TECTA: variants seen among roughly 807,000 people sequenced by gnomAD.
TECTA encodes alpha-tectorin.
Under a neutral mutation model 216.8 loss-of-function variants are expected in TECTA, and 128 were observed. The observed-to-expected ratio is 0.59, with a 90% CI of 0.51 to 0.68. TECTA has a LOEUF of 0.68. Ranked by LOEUF, TECTA falls within the 30% of genes least tolerant of loss-of-function variation. TECTA has a pLI of 0.00. For missense variants in TECTA, 2,551 were observed against 2,786.2 expected (o/e 0.92, Z 1.90); for synonymous variants, 1,089 against 1,117.1 (o/e 0.97, Z 0.50).
intron 10 of TECTA, among the ~76,000 whole-genome samples, chr11:121,130,806 C>G (rs1457071891): frequency 6.6e-6 from 1 of 152,096 alleles, no homozygotes; most frequent in Non-Finnish European, 1.5e-5. Flanking sequence ...GGAGAAGTAA[C>G]ATGGCAGAAA....
At chr11:121,116,941 C>G (rs1946507504) in intron 6 of TECTA, among the ~76,000 whole-genome samples, 1 of 152,154 alleles carries the variant, frequency 6.6e-6, no homozygotes, top group Non-Finnish European at 1.5e-5. Flanking sequence ...TAAATCTATT[C>G]TCTCATTTTT....
chr11:121,113,548 T>G lies in TECTA; in HGVS notation c.625-5T>G, dbSNP rs1469095917. The G allele has an allele frequency of 6.2e-7, 1 of 1,613,988 alleles. No individual in the cohort carries two copies. Among genetic ancestry groups the G allele is most frequent in the Non-Finnish European group, 8.5e-7 (1 of 1,180,050 alleles). On this transcript the variant is annotated splice_region_variant and splice_polypyrimidine_tract_variant and intron_variant, in intron 5 of 23. Coordinates refer to ENST00000392793, the MANE Select transcript of TECTA (RefSeq NM_005422.4). This position sits in a 1 kb window ranked among gnomAD's most constrained non-coding sequence, Gnocchi z 4.2. Reference sequence around the variant, plus strand: ...CAAAAATCTTGTCTTCCTTTTGTGCTGCAGGCAGGATTTAATGGTGGAAAC... The same window carrying G: ...CAAAAATCTTGTCTTCCTTTTGTGCGGCAGGCAGGATTTAATGGTGGAAAC...
At chr11:121,140,600 C>T (rs765783157) in intron 11 of TECTA, among the ~76,000 whole-genome samples, 7 of 152,174 alleles carry the variant, frequency 4.6e-5, no homozygotes, top group Non-Finnish European at 8.8e-5. Context: ...GGGTGTAAGT[C>T]CAAAGTCAAG....
intron 12 of TECTA, among the ~76,000 whole-genome samples, chr11:121,147,056 C>A (rs1194190343): frequency 6.6e-6 from 1 of 151,936 alleles, no homozygotes; most frequent in African/African-American, 2.4e-5. Flanking sequence ...CTGCCTTTAG[C>A]ACATAAGAAT....
intron 7 of TECTA, among the ~76,000 whole-genome samples, chr11:121,119,228 G>C (rs1366850017): frequency 6.6e-6 from 1 of 152,108 alleles, no homozygotes; most frequent in African/African-American, 2.4e-5. Flanking sequence ...TTCATTTTCA[G>C]AGAAACCTCC....
Position 121,125,548 on chromosome 11 carries a change from C to T in TECTA, c.1450C>T (p.Leu484=). The T allele has an allele frequency of 6.2e-7, 1 of 1,614,146 alleles. No individual in the cohort carries two copies. Among genetic ancestry groups the T allele is most frequent in the South Asian group, 1.1e-5 (1 of 91,084 alleles). ...RPDGRPAMSV[L]DLGESWRVYH... is the part of the protein sequence containing the mutation. ...GGATGGCAGGCCGGCCATGTCTGTCCTGGATCTGGGAGAGAGCTGGCGTGT... is the reference window on the plus strand; with the variant it reads ...GGATGGCAGGCCGGCCATGTCTGTCTTGGATCTGGGAGAGAGCTGGCGTGT... Residue 484 remains leucine, a synonymous_variant, in exon 8 of 24, where the codon CTG becomes TTG. Coordinates refer to ENST00000392793, the MANE Select transcript of TECTA (RefSeq NM_005422.4).
intron 10 of TECTA, among the ~76,000 whole-genome samples, chr11:121,135,737 T>C (rs1198048246): frequency 6.6e-6 from 1 of 152,256 alleles, no homozygotes; most frequent in Non-Finnish European, 1.5e-5. Flanking sequence ...AGTGATGGTA[T>C]GTATACGAGC....
chr11:121,103,187 C>T (rs1946362331), intron 2 of TECTA, among the ~76,000 whole-genome samples: 1 of 152,092 alleles, frequency 6.6e-6, no homozygotes, highest in Non-Finnish European at 1.5e-5. Context: ...TTACGTGGCC[C>T]TCAAATCTAA....
At position 121,106,847 on chromosome 11, in the gene TECTA, G is replaced by A. The variant is rs564827871; in HGVS notation, c.198+883G>A. Reference sequence around the variant, plus strand: ...TGGTCCCTGAACCTGCAGAAGCAGCGTCACACAGGCACTCATTAGCAATGT... The same window carrying A: ...TGGTCCCTGAACCTGCAGAAGCAGCATCACACAGGCACTCATTAGCAATGT... On this transcript the variant is annotated intron_variant, in intron 3 of 23. Transcript: ENST00000392793. 5.9e-5 allele frequency among the ~76,000 whole-genome samples: 9 copies of A among 152,248 alleles called. No homozygotes were observed. The East Asian group carries it at 7.7e-4, about 13-fold the overall frequency.
At chr11:121,106,001 C>T (rs770332062) in intron 3 of TECTA, 37 bp downstream of exon 3, 93 of 1,613,924 alleles carry the variant, frequency 5.8e-5, no homozygotes, top group Admixed American at 6.7e-5. Flanking sequence ...GTTCTCTGGC[C>T]CTCCCTTTTG....
Position 121,137,849 on chromosome 11 carries a change from C to T in TECTA, c.3370C>T (p.Leu1124Phe). The T allele has an allele frequency of 6.2e-7, 1 of 1,608,914 alleles. No homozygotes were observed. Among genetic ancestry groups the T allele is most frequent in the Non-Finnish European group, 8.5e-7 (1 of 1,175,826 alleles). The change falls in exon 11 of 24, where the codon CTC becomes TTC. Residue 1124 changes from leucine to phenylalanine, a missense_variant. Physicochemically the swap from Leu to Phe is conservative, Grantham distance 22 (BLOSUM62 0). Coordinates refer to ENST00000392793, the MANE Select transcript of TECTA (RefSeq NM_005422.4). ...CTTTGACTTCCAGACCAGCTGCCCA[C>T]TCATCCTGTGCACCACAGGAAGCAG... is the stretch of plus-strand genomic sequence containing the variant. ...FPFDFQTSCP[L>F]ILCTTGSRPS...
chr11:121,137,256 A>G (rs1460191832), intron 10 of TECTA, among the ~76,000 whole-genome samples, 165 bp from the exon 11 acceptor site: 3 of 152,010 alleles, frequency 2.0e-5, no homozygotes, highest in Non-Finnish European at 4.4e-5. Flanking sequence ...ACGCACGTGC[A>G]CACACACATG....
In TECTA at chr11:121,145,797, T is replaced by C; in HGVS notation, c.3786T>C (p.Ser1262=). 1 of 1,614,034 alleles carries C rather than the reference T, an allele frequency of 6.2e-7. No homozygotes were observed. Among genetic ancestry groups the C allele is most frequent in the Non-Finnish European group, 8.5e-7 (1 of 1,180,016 alleles). The change falls in exon 12 of 24, where the codon AGT becomes AGC. Residue 1262 remains serine, a synonymous_variant. Coordinates refer to ENST00000392793, the MANE Select transcript of TECTA (RefSeq NM_005422.4). ...TGCCCATGGGTCTGCTTGCATCGAG[T>C]GTCAATGAGTTTGGGCAGAGCTGGG... ...LEMPMGLLAS[S]VNEFGQSWVK... is the part of the protein sequence containing the mutation.
chr11:121,162,045 G>A, intron 15 of TECTA, 30 bp from the exon 16 acceptor site: 1 of 1,612,992 alleles, frequency 6.2e-7, no homozygotes, highest in Non-Finnish European at 8.5e-7. Flanking sequence ...GATCTCAGAT[G>A]GCTGTTTTTG....
intron 2 of TECTA, 146 bp downstream of exon 2, chr11:121,102,875 A>G (rs922151769): frequency 1.3e-6 from 1 of 775,016 alleles, no homozygotes; most frequent in Non-Finnish European, 2.2e-6. Flanking sequence ...TCTATTATCA[A>G]GGGTAAAATT....
chr11:121,162,375 G>A lies in TECTA; in HGVS notation c.5272+5G>A, dbSNP rs1947010387. 9.3e-6 allele frequency: 15 copies of A among 1,611,814 alleles called. No homozygotes were observed. Among genetic ancestry groups the A allele is most frequent in the Non-Finnish European group, 1.3e-5 (15 of 1,180,008 alleles). The stretch of plus-strand genomic sequence containing the variant: ...GGATTGAGAAGGAGAATTGCTGTAA[G>A]AGAATTATTTTATTTCTGTGAATTC... On this transcript the variant is annotated splice_donor_5th_base_variant and intron_variant, in intron 16 of 23. Coordinates refer to ENST00000392793, the MANE Select transcript of TECTA (RefSeq NM_005422.4).
In TECTA at chr11:121,127,393, A is replaced by T. The variant is rs775794687; in HGVS notation, c.1775-359A>T. On this transcript the variant is annotated intron_variant, in intron 8 of 23. Transcript: ENST00000392793. The surrounding 1 kb of genome is among the most constrained non-coding windows in gnomAD (Gnocchi z 5.0). ...AATGGACCATGCTCTTTAAAATCAG[A>T]TCAATTTATATGTCCATCAGTGGAA... 6.6e-6 allele frequency among the ~76,000 whole-genome samples: 1 copy of T among 152,190 alleles called. No individual in the cohort carries two copies. The highest frequency in any genetic ancestry group is 1.5e-5 in the Non-Finnish European group (1 of 68,028).
chr11:121,120,870 G>A (rs1397917106), intron 7 of TECTA, among the ~76,000 whole-genome samples: 1 of 152,228 alleles, frequency 6.6e-6, no homozygotes, highest in East Asian at 1.9e-4. Context: ...GAGCAGCTTG[G>A]ACTCTAGGGC....
intron 21 of TECTA, 134 bp downstream of exon 21, chr11:121,188,128 T>G: frequency 3.3e-6 from 3 of 899,844 alleles, no homozygotes. Flanking sequence ...TCATCTTTGA[T>G]GGGACAGTGA....
Sources: allele counts gnomAD v4.1 joint callset (sites outside exome capture counted in the v4.1 genomes callset), GRCh38; gene constraint gnomAD v4.1.1; non-coding constraint Gnocchi (gnomAD v3.1); transcripts MANE v1.5; gene names NCBI Gene and HGNC (gene_info 2026-07-23, HGNC 2026-07-21).